PLXNC1: variants seen among roughly 807,000 people sequenced by gnomAD.
PLXNC1 encodes plexin-C1.
A neutral mutation model predicts 178.2 loss-of-function variants in PLXNC1; 75 were observed. The ratio of observed to expected loss-of-function variants is 0.42; its 90% CI spans 0.35 to 0.51. The LOEUF (loss-of-function observed/expected upper bound fraction) is 0.51, where lower values mean the gene tolerates loss of function less well. PLXNC1 is among the 20% of genes least tolerant of loss of function. PLXNC1 has a pLI of 0.02. For missense variants in PLXNC1, 1,503 were observed against 1,984.4 expected (o/e 0.76, Z 4.61); for synonymous variants, 790 against 779.9 (o/e 1.01, Z -0.22).
chr12:94,280,060 G>A, intron 22 of PLXNC1: 1 of 342,480 alleles, frequency 2.9e-6, no homozygotes, highest in East Asian at 7.9e-5. Flanking sequence ...ATTACTGGGT[G>A]GCTCAGACTC....
intron 20 of PLXNC1, chr12:94,262,643 G>GGT (rs1267136969): frequency 2.0e-6 from 2 of 985,294 alleles, no homozygotes; most frequent in African/African-American, 3.5e-5. Context: ...AATTCCCGCT[G>GGT]GTGCAGGGGT....
chr12:94,162,972 C>T (rs186727992), intron 1 of PLXNC1, among the ~76,000 whole-genome samples: 20 of 152,182 alleles, frequency 1.3e-4, no homozygotes, highest in East Asian at 3.9e-4. Context: ...CTAGAAGTCC[C>T]GCATCACACA....
chr12:94,257,432 T>C (rs1160216760), intron 17 of PLXNC1, among the ~76,000 whole-genome samples: 1 of 152,112 alleles, frequency 6.6e-6, no homozygotes, highest in Non-Finnish European at 1.5e-5. Context: ...GGATCTAAGC[T>C]GAAGAAAAGG....
rs1331171549 is a variant in PLXNC1 at position 94,306,392 on chromosome 12, A to G, written c.*1107A>G. 1 of 152,194 alleles carries G rather than the reference A, an allele frequency of 6.6e-6. No individual in the cohort carries two copies. Among genetic ancestry groups the G allele is most frequent in the Non-Finnish European group, 1.5e-5 (1 of 68,036 alleles). The allele number at this position is 152,194 out of a possible 1,614,324, so 9.4% of individuals were successfully genotyped here. On this transcript the variant is annotated 3_prime_UTR_variant, in exon 31 of 31. Coordinates refer to ENST00000258526, the MANE Select transcript of PLXNC1 (RefSeq NM_005761.3). ...GAAAGTATTCCTCGCAGGAGAAAGA[A>G]TTTAAAATACCCATTTTATTCATGC...
chr12:94,251,404 A>T, intron 14 of PLXNC1, 22 bp from the exon 15 acceptor site: 2 of 1,448,540 alleles, frequency 1.4e-6, no homozygotes, highest in Non-Finnish European at 1.9e-6. Flanking sequence ...ATTGGGTCTA[A>T]TGACATTCTT....
chr12:94,220,196 A>G (rs767338778), intron 6 of PLXNC1, 33 bp downstream of exon 6: 3 of 1,599,956 alleles, frequency 1.9e-6, no homozygotes, highest in East Asian at 2.2e-5. Context: ...TTTTTGTTAT[A>G]AAATCAAAAA....
rs182185917 is a variant in PLXNC1, at chr12:94,224,352, G to A, written c.1790+37G>A. 4 of 1,096,150 alleles carry A rather than the reference G, an allele frequency of 3.6e-6. 1 individual carries two copies. The Admixed American group carries it at 6.7e-5, about 18-fold the overall frequency. The allele number at this position is 1,096,150 out of a possible 1,614,324, so 67.9% of individuals were successfully genotyped here. A position where few individuals can be genotyped will look rare whatever the true frequency, so the allele number is the denominator to read the frequency against. On this transcript the variant is annotated intron_variant, in intron 7 of 30. Transcript: ENST00000258526. ...TTTGAAATTTGAATATTCTCTCGTT[G>A]ATCTTAATTTACTTATTTGTTTGAC...
Position 94,247,941 on chromosome 12 carries a change from A to G in PLXNC1, c.2427A>G (p.Leu809=). ...GTGTGGCGACTTACTGCGGGTTTTT[A>G]GCCCCCAGTTTAAAGAGTTCAAAAG... ...EYCVATYCGF[L]APSLKSSKVR... is the part of the protein sequence containing the mutation. The change falls in exon 13 of 31, where the codon TTA becomes TTG. Residue 809 remains leucine, a synonymous_variant. Transcript: ENST00000258526. 1 of 1,614,084 alleles carries G rather than the reference A, an allele frequency of 6.2e-7. No homozygotes were observed. The highest frequency in any genetic ancestry group is 8.5e-7 in the Non-Finnish European group (1 of 1,180,012).
chr12:94,164,936 C>G (rs898410826), intron 1 of PLXNC1, among the ~76,000 whole-genome samples: 1 of 152,038 alleles, frequency 6.6e-6, no homozygotes, highest in African/African-American at 2.4e-5. Flanking sequence ...CCAAGAAAGC[C>G]CAAAGGGGAG....
chr12:94,231,817 T>C (rs9943823), intron 9 of PLXNC1, among the ~76,000 whole-genome samples: 129,605 of 152,126 alleles, frequency 0.85, 55,608 homozygotes, highest in East Asian at 1. Context: ...TTGGCCCTTT[T>C]ACCCTGCCCT....
intron 4 of PLXNC1, among the ~76,000 whole-genome samples, chr12:94,203,434 A>C (rs1473026111): frequency 6.6e-6 from 1 of 152,242 alleles, no homozygotes; most frequent in Admixed American, 6.5e-5. Context: ...CTACTTTAAT[A>C]TTAACACCAA....
At chr12:94,219,531 G>A (rs192035308) in intron 5 of PLXNC1, among the ~76,000 whole-genome samples, 88 of 152,220 alleles carry the variant, frequency 5.8e-4, no homozygotes, top group Non-Finnish European at 6.5e-4. Flanking sequence ...CTTTATAGCC[G>A]AGACAAGAAA....
chr12:94,170,701 T>C (rs1242753674), intron 2 of PLXNC1, among the ~76,000 whole-genome samples: 1 of 152,230 alleles, frequency 6.6e-6, no homozygotes, highest in African/African-American at 2.4e-5. Context: ...TCCCACAGCC[T>C]AATACAGTGC....
chr12:94,159,496 C>T (rs1234488364), intron 1 of PLXNC1, among the ~76,000 whole-genome samples: 2 of 151,832 alleles, frequency 1.3e-5, no homozygotes, highest in African/African-American at 2.4e-5. Flanking sequence ...GACTGGAGGG[C>T]ATGTGCAAGA....
chr12:94,197,270 C>T (rs2099834781), intron 4 of PLXNC1, among the ~76,000 whole-genome samples: 1 of 152,184 alleles, frequency 6.6e-6, no homozygotes, highest in African/African-American at 2.4e-5. Flanking sequence ...ACTTAATCCC[C>T]AGTGCAACAG....
intron 17 of PLXNC1, among the ~76,000 whole-genome samples, chr12:94,257,641 C>T (rs1056780831): frequency 9.2e-5 from 14 of 152,070 alleles, no homozygotes; most frequent in African/African-American, 3.1e-4. Context: ...GGCATGGTGG[C>T]GTGCACCTGT....
At chr12:94,243,746 C>T (rs1344987471) in intron 11 of PLXNC1, among the ~76,000 whole-genome samples, 192 bp from the exon 12 acceptor site, 1 of 152,146 alleles carries the variant, frequency 6.6e-6, no homozygotes, top group African/African-American at 2.4e-5. Flanking sequence ...ATCTTGAAAC[C>T]CATGAATTTG....
intron 23 of PLXNC1, among the ~76,000 whole-genome samples, chr12:94,283,430 C>A (rs1966598815): frequency 6.6e-6 from 1 of 152,196 alleles, no homozygotes; most frequent in Admixed American, 6.5e-5. Flanking sequence ...TACACCACAC[C>A]AGGTACTATT....
chr12:94,280,661 A>T (rs1338234988), intron 22 of PLXNC1, among the ~76,000 whole-genome samples: 1 of 152,204 alleles, frequency 6.6e-6, no homozygotes, highest in Non-Finnish European at 1.5e-5. Flanking sequence ...ACAGGATCAA[A>T]GGGGGAGCCC....
Sources: gnomAD v4.1 joint callset for allele counts (sites outside exome capture counted in the v4.1 genomes callset) on GRCh38, gnomAD v4.1.1 for gene constraint, MANE v1.5 for transcripts, NCBI Gene and HGNC (gene_info 2026-07-23, HGNC 2026-07-21) for gene names.